Variants in ARHGEF3 observed in about 807,000 individuals in gnomAD.
The protein encoded by ARHGEF3 is Rho guanine nucleotide exchange factor 3.
A neutral mutation model predicts 63.2 loss-of-function variants in ARHGEF3; 28 were observed. The observed-to-expected ratio is 0.44, with a 90% CI of 0.33 to 0.61. The LOEUF is 0.61. ARHGEF3 is among the 20% of genes least tolerant of loss of function. The probability of loss-of-function intolerance (pLI) is 0.03; values close to 1 mark genes in which losing one functional copy is unlikely to be tolerated. For synonymous variants in ARHGEF3, 266 were observed against 254.2 expected (o/e 1.05, Z -0.44); for missense variants, 533 against 659.3 (o/e 0.81, Z 2.10).
Position 56,729,612 on chromosome 3 carries a change from G to T in ARHGEF3, c.1239C>A (p.Phe413Leu). 1.3e-6 allele frequency: 2 copies of T among 1,599,644 alleles called. No homozygotes were observed. The highest frequency in any genetic ancestry group is 2.2e-5 in the South Asian group (2 of 89,340). The change falls in exon 10 of 10, where the codon TTC (phenylalanine) becomes TTA (leucine). Residue 413 changes from phenylalanine (F) to leucine (L), a missense_variant. Phe to Leu is a conservative substitution (Grantham distance 22). Around this residue, in one of 4 missense-constraint regions of ARHGEF3, gnomAD observed 151 missense variants for 190.7 expected, o/e 0.79. Coordinates refer to ENST00000296315, the MANE Select transcript of ARHGEF3 (RefSeq NM_019555.3). ...AFSNNERIKNFFRVSFKNGSQ... is the reference protein window; with the variant it reads ...AFSNNERIKNLFRVSFKNGSQ... ...ATCCATTTTTGAAACTGACTCTGAA[G>T]AAGTTTTTAACTAGAAAGGAAAAAC...
chr3:57,055,779 C>T lies in ARHGEF3; in HGVS notation c.-27-20603G>A, dbSNP rs576641523. ...CAGAAGCCTCTGATTCCTCCTCGCC[C>T]CTGAAGCCCAACAGAATTCCAATGC... is the stretch of plus-strand genomic sequence containing the variant. On this transcript the variant is annotated intron_variant, in intron 1 of 12. Coordinates refer to the ARHGEF3 transcript ENST00000338458. 2.4e-4 allele frequency among the ~76,000 whole-genome samples: 37 copies of T among 152,296 alleles called. 1 individual carries two copies. Among genetic ancestry groups the T allele is most frequent in the Middle Eastern group, 6.8e-3 (2 of 294 alleles).
chr3:57,006,742 AC>A (rs916156977), intron 2 of ARHGEF3, among the ~76,000 whole-genome samples: 84 of 150,930 alleles, frequency 5.6e-4, no homozygotes, highest in African/African-American at 1.9e-3. Flanking sequence ...TGCTCTCGAC[AC>A]CCCCCCAAAC....
Position 56,772,648 on chromosome 3 carries a change from C to T in ARHGEF3, c.204+1061G>A, listed in dbSNP as rs189310995. On this transcript the variant is annotated intron_variant, in intron 2 of 9. Transcript: ENST00000296315. ...CTCAACGTTCACTTTAAAAGATACACTTCATCAACAGTTTAAGAACAACTA... is the reference window on the plus strand; with the variant it reads ...CTCAACGTTCACTTTAAAAGATACATTTCATCAACAGTTTAAGAACAACTA... Among the ~76,000 whole-genome samples, 4 of 152,290 alleles carry T rather than the reference C, an allele frequency of 2.6e-5. No individual in the cohort carries two copies. In the East Asian group the frequency reaches 5.8e-4, roughly 22 times the overall value.
chr3:56,982,432 G>A (rs908180362), intron 2 of ARHGEF3, among the ~76,000 whole-genome samples: 6 of 152,052 alleles, frequency 3.9e-5, no homozygotes, highest in African/African-American at 7.2e-5. Flanking sequence ...GTAATGGAGC[G>A]AAACCCCTCC....
chr3:56,741,793 G>A lies in ARHGEF3; in HGVS notation c.870+3412C>T, dbSNP rs546060918. ...GCTGGGATTACAGGCGTGAGCCACC[G>A]CGCCCAGCTTTGCATTGGTTCTTGA... On this transcript the variant is annotated intron_variant, in intron 7 of 9. Coordinates refer to ENST00000296315, the MANE Select transcript of ARHGEF3 (RefSeq NM_019555.3). Among the ~76,000 whole-genome samples the A allele has an allele frequency of 2.0e-5, 3 of 152,248 alleles. No individual in the cohort carries two copies. In the South Asian group the frequency reaches 6.2e-4, roughly 32 times the overall value.
intron 3 of ARHGEF3, chr3:56,898,616 T>C (rs890584176): frequency 7.0e-6 from 2 of 285,302 alleles, no homozygotes; most frequent in Non-Finnish European, 1.5e-5. Context: ...AGCTGTTTTC[T>C]TCTGGGGTGA....
chr3:56,779,438 TG>T (rs948422595), intron 1 of ARHGEF3, among the ~76,000 whole-genome samples: 8 of 152,168 alleles, frequency 5.3e-5, no homozygotes, highest in African/African-American at 1.9e-4. Context: ...TACATGTATT[TG>T]GTACATGCCT....
At chr3:56,921,495 A>T (rs547531906) in intron 3 of ARHGEF3, among the ~76,000 whole-genome samples, 1 of 145,086 alleles carries the variant, frequency 6.9e-6, no homozygotes, top group East Asian at 1.9e-4. Context: ...GAGAAATAAA[A>T]AGAATATCAA....
At chr3:56,790,658 T>C (rs1047780586) in intron 1 of ARHGEF3, among the ~76,000 whole-genome samples, 1 of 152,220 alleles carries the variant, frequency 6.6e-6, no homozygotes, top group Non-Finnish European at 1.5e-5. Context: ...TTGAAATGCC[T>C]GCGTGACTTG....
At chr3:57,073,398 G>A (rs1172617193) in intron 1 of ARHGEF3, 5 of 333,892 alleles carry the variant, frequency 1.5e-5, no homozygotes, top group Non-Finnish European at 2.7e-5. Context: ...GAAAGCCACT[G>A]GAGTTGGGCA....
intron 4 of ARHGEF3, among the ~76,000 whole-genome samples, chr3:56,859,510 C>G (rs942791111): frequency 6.6e-6 from 1 of 151,584 alleles, no homozygotes; most frequent in South Asian, 2.1e-4. Flanking sequence ...GAGCCCACAT[C>G]CCTCTTGCCA....
intron 2 of ARHGEF3, among the ~76,000 whole-genome samples, chr3:56,968,069 TA>T (rs1700682318): frequency 1.9e-5 from 1 of 53,972 alleles, no homozygotes; most frequent in Non-Finnish European, 3.1e-5. Flanking sequence ...ATAATATATA[TA>T]ATATATTATA....
intron 3 of ARHGEF3, among the ~76,000 whole-genome samples, chr3:56,951,172 TA>T (rs1699791867): frequency 6.6e-6 from 1 of 151,546 alleles, no homozygotes; most frequent in African/African-American, 2.4e-5. Context: ...GAGATATACC[TA>T]TGTTAAATGA....
At position 56,868,105 on chromosome 3, in the gene ARHGEF3, C is replaced by T. The variant is rs141856468; in HGVS notation, c.192+14187G>A. On this transcript the variant is annotated intron_variant, in intron 4 of 12. Coordinates refer to the ARHGEF3 transcript ENST00000338458. ...TTCTCCCTAAAATGGAACAGTACCC[C>T]ACAACCACTCTACATGAACAAAATG... Among the ~76,000 whole-genome samples the T allele has an allele frequency of 2.0e-3, 304 of 152,214 alleles. 1 individual carries two copies. The highest frequency in any genetic ancestry group is 7.0e-3 in the African/African-American group (292 of 41,528).
intron 4 of ARHGEF3, among the ~76,000 whole-genome samples, chr3:56,811,977 T>G (rs1423968117): frequency 6.6e-6 from 1 of 152,224 alleles, no homozygotes; most frequent in African/African-American, 2.4e-5. Context: ...ATTTTATGTC[T>G]GTCTCCACTG....
intron 4 of ARHGEF3, among the ~76,000 whole-genome samples, chr3:56,872,030 T>C (rs2040446013): frequency 6.9e-6 from 1 of 143,926 alleles, no homozygotes; most frequent in Non-Finnish European, 1.6e-5. Flanking sequence ...GTGTATTACT[T>C]ATTAGACTTG....
At chr3:56,983,226 G>A (rs1443083429) in intron 2 of ARHGEF3, among the ~76,000 whole-genome samples, 1 of 152,086 alleles carries the variant, frequency 6.6e-6, no homozygotes, top group Non-Finnish European at 1.5e-5. Flanking sequence ...ATCAGGTACA[G>A]TCTCTAGCTT....
intron 2 of ARHGEF3, among the ~76,000 whole-genome samples, chr3:56,969,661 C>T (rs2106836950): frequency 6.6e-6 from 1 of 150,690 alleles, no homozygotes; most frequent in African/African-American, 2.4e-5. Context: ...ATTCCAGCTA[C>T]TTGGGAGGCT....
chr3:57,059,437 A>C (rs1158906345), intron 1 of ARHGEF3, among the ~76,000 whole-genome samples: 1 of 140,294 alleles, frequency 7.1e-6, no homozygotes, highest in Non-Finnish European at 1.5e-5. Flanking sequence ...ATTGGGCCAC[A>C]TGTTAGACAA....
Sources: allele counts gnomAD v4.1 joint callset (sites outside exome capture counted in the v4.1 genomes callset), GRCh38; gene constraint gnomAD v4.1.1; regional missense constraint gnomAD v4.1.1; transcripts MANE v1.5; gene names NCBI Gene and HGNC (gene_info 2026-07-23, HGNC 2026-07-21).